TRIT1: variants seen among roughly 807,000 people sequenced by gnomAD.
TRIT1 encodes the protein tRNA dimethylallyltransferase.
A neutral mutation model predicts 51.2 loss-of-function variants in TRIT1; 43 were observed. The ratio of observed to expected loss-of-function variants is 0.84; its 90% CI spans 0.66 to 1.08. The LOEUF is 1.08. TRIT1 is among the 50% of genes least tolerant of loss of function. The probability of loss-of-function intolerance (pLI) is 0.00; values close to 1 mark genes in which losing one functional copy is unlikely to be tolerated. For synonymous variants in TRIT1, 184 were observed against 203.9 expected (o/e 0.90, Z 0.83); for missense variants, 528 against 578.4 (o/e 0.91, Z 0.89).
chr1:39,879,404 T>C (rs1479495777), intron 1 of TRIT1, among the ~76,000 whole-genome samples: 1 of 152,162 alleles, frequency 6.6e-6, no homozygotes, highest in Non-Finnish European at 1.5e-5. Context: ...CCAGGTCTGC[T>C]ACTTATTCTA....
Position 39,857,263 on chromosome 1 carries a change from T to G in TRIT1, c.315+14A>C, listed in dbSNP as rs764030905. ...TCACCCACCAAACCCAGCTGCTGCC[T>G]TTCCTAAGGATATCAGAGCAGTTGC... On this transcript the variant is annotated intron_variant, in intron 2 of 10. Transcript: ENST00000316891. 2 of 1,595,778 alleles carry G rather than the reference T, an allele frequency of 1.3e-6. No homozygotes were observed. The highest frequency in any genetic ancestry group is 2.3e-5 in the South Asian group (2 of 88,706).
intron 1 of TRIT1, among the ~76,000 whole-genome samples, chr1:39,874,522 CAT>C (rs1332120016): frequency 5.3e-5 from 8 of 152,224 alleles, no homozygotes; most frequent in Non-Finnish European, 8.8e-5. Flanking sequence ...CATATACACA[CAT>C]GACACATGTG....
Position 39,866,508 on chromosome 1 carries a change from C to T in TRIT1, c.175-9091G>A, listed in dbSNP as rs149223728. 5.9e-5 allele frequency among the ~76,000 whole-genome samples: 9 copies of T among 152,272 alleles called. No homozygotes were observed. The East Asian group carries it at 1.7e-3, about 29-fold the overall frequency. ...TGAAGAGTACGGGAAAGGCTGATTTCTTGACTCACTTTACTTTTTTAATTA... is the reference window on the plus strand; with the variant it reads ...TGAAGAGTACGGGAAAGGCTGATTTTTTGACTCACTTTACTTTTTTAATTA... On this transcript the variant is annotated intron_variant, in intron 1 of 10. Coordinates refer to ENST00000316891, the MANE Select transcript of TRIT1 (RefSeq NM_017646.6).
chr1:39,860,632 T>C (rs1007243585), intron 1 of TRIT1, among the ~76,000 whole-genome samples: 2 of 152,190 alleles, frequency 1.3e-5, no homozygotes, highest in African/African-American at 4.8e-5. Context: ...GTGACCTGCA[T>C]TGCAACAATA....
intron 1 of TRIT1, among the ~76,000 whole-genome samples, chr1:39,865,467 G>A (rs1001035506): frequency 1.3e-5 from 2 of 152,096 alleles, no homozygotes; most frequent in Admixed American, 6.6e-5. Context: ...TTTTTGTGGT[G>A]CCAGACCTGT....
At chr1:39,847,706 C>T (rs759114467) in intron 6 of TRIT1, 46 bp from the exon 7 acceptor site, 68 of 1,613,020 alleles carry the variant, frequency 4.2e-5, no homozygotes, top group Non-Finnish European at 5.6e-5. Context: ...CTCCTAAAAG[C>T]TAGCAGGGGC....
intron 9 of TRIT1, 66 bp downstream of exon 9, chr1:39,844,465 A>G: frequency 1.6e-6 from 2 of 1,272,612 alleles, no homozygotes; most frequent in Non-Finnish European, 2.3e-6. Flanking sequence ...ATATAGCAAC[A>G]AAGGTGTCAG....
intron 1 of TRIT1, among the ~76,000 whole-genome samples, chr1:39,865,803 T>G (rs1342832443): frequency 6.7e-6 from 1 of 150,000 alleles, no homozygotes; most frequent in African/African-American, 2.5e-5. Flanking sequence ...GGGCCATAAT[T>G]GCACCACTAC....
Position 39,841,566 on chromosome 1 carries a change from C to A in TRIT1, c.*178G>T. The A allele has an allele frequency of 3.6e-6, 2 of 549,450 alleles. No homozygotes were observed. Among genetic ancestry groups the A allele is most frequent in the Non-Finnish European group, 6.1e-6 (2 of 326,864 alleles). 34.0% of individuals were successfully genotyped at this position (549,450 alleles called of 1,614,324 possible). ...CCACACAAGGAGCTGACAAGACCTGCTGTTTCTATTATAGAGAACGTGAGA... is the reference window on the plus strand; with the variant it reads ...CCACACAAGGAGCTGACAAGACCTGATGTTTCTATTATAGAGAACGTGAGA... On this transcript the variant is annotated 3_prime_UTR_variant, in exon 11 of 11. Transcript: ENST00000316891.
In TRIT1 at chr1:39,869,567, G is replaced by A. The variant is rs1428127495; in HGVS notation, c.175-12150C>T. 4.0e-5 allele frequency among the ~76,000 whole-genome samples: 6 copies of A among 150,132 alleles called. No homozygotes were observed. In the East Asian group the frequency reaches 8.1e-4, roughly 20 times the overall value. On this transcript the variant is annotated intron_variant, in intron 1 of 10. Coordinates refer to ENST00000316891, the MANE Select transcript of TRIT1 (RefSeq NM_017646.6). Reference sequence around the variant, plus strand: ...GAGTGTCTCTGCCTGGCCACCCATCGTCTGGGATGTGAGGAGCCCCTCTGC... The same window carrying A: ...GAGTGTCTCTGCCTGGCCACCCATCATCTGGGATGTGAGGAGCCCCTCTGC...
At chr1:39,863,119 C>T (rs774220867) in intron 1 of TRIT1, among the ~76,000 whole-genome samples, 11 of 152,154 alleles carry the variant, frequency 7.2e-5, no homozygotes, top group African/African-American at 1.2e-4. Flanking sequence ...ATTTACTAAG[C>T]GTCTACTATG....
intron 1 of TRIT1, among the ~76,000 whole-genome samples, chr1:39,868,889 G>A (rs970139810): frequency 3.6e-4 from 55 of 151,824 alleles, no homozygotes; most frequent in Non-Finnish European, 6.6e-4. Flanking sequence ...GTGAAACCCC[G>A]TCTCCACTAA....
rs1652509197 is a variant in TRIT1, at chr1:39,840,420, A to C, written c.*1324T>G. Among the ~76,000 whole-genome samples the C allele has an allele frequency of 6.6e-6, 1 of 152,236 alleles. No homozygotes were observed. Among genetic ancestry groups the C allele is most frequent in the African/African-American group, 2.4e-5 (1 of 41,462 alleles). ...AGAATTGCTTTTCAAGGTGCAGCAG[A>C]AATGCTCCTCCTTCCATGATCCCTT... is the stretch of plus-strand genomic sequence containing the variant. On this transcript the variant is annotated 3_prime_UTR_variant, in exon 11 of 11. Transcript: ENST00000316891.
chr1:39,862,785 T>TA, intron 1 of TRIT1: 1 of 985,410 alleles, frequency 1.0e-6, no homozygotes, highest in Middle Eastern at 5.2e-4. Context: ...CTCTTACACT[T>TA]ACCCTATTTT....
chr1:39,865,755 T>C (rs1643509141), intron 1 of TRIT1, among the ~76,000 whole-genome samples: 1 of 147,744 alleles, frequency 6.8e-6, no homozygotes, highest in Non-Finnish European at 1.5e-5. Flanking sequence ...GAGGCTAAGA[T>C]GGGAGGGTCA....
intron 1 of TRIT1, among the ~76,000 whole-genome samples, chr1:39,879,537 C>G (rs946246455): frequency 2.0e-5 from 3 of 151,182 alleles, no homozygotes; most frequent in African/African-American, 7.3e-5. Context: ...GCCTATAGTC[C>G]CAGCTACTTG....
chr1:39,865,280 G>A (rs964757913), intron 1 of TRIT1, among the ~76,000 whole-genome samples: 2 of 152,128 alleles, frequency 1.3e-5, no homozygotes, highest in African/African-American at 4.8e-5. Flanking sequence ...CTACTTTACT[G>A]AGGCCAGCCA....
intron 9 of TRIT1, 152 bp from the exon 10 acceptor site, chr1:39,844,370 G>A (rs1569962360): frequency 1.2e-6 from 1 of 863,020 alleles, no homozygotes. Flanking sequence ...CTTTCTGAAT[G>A]TAAAAGTAGA....
intron 5 of TRIT1, among the ~76,000 whole-genome samples, chr1:39,848,835 A>C (rs1355332314): frequency 6.6e-6 from 1 of 151,484 alleles, no homozygotes; most frequent in Non-Finnish European, 1.5e-5. Context: ...ACAAAAAAAA[A>C]AGACATCCTA....
Sources: gnomAD v4.1 joint callset for allele counts (sites outside exome capture counted in the v4.1 genomes callset) on GRCh38, gnomAD v4.1.1 for gene constraint, MANE v1.5 for transcripts, NCBI Gene and HGNC (gene_info 2026-07-23, HGNC 2026-07-21) for gene names.